Variants in RERE observed in about 807,000 individuals in gnomAD.
RERE encodes arginine-glutamic acid dipeptide repeats protein.
Under a neutral mutation model 146.1 loss-of-function variants are expected in RERE, and 40 were observed. That is an observed-to-expected ratio of 0.27 (90% CI 0.21 to 0.36). RERE has a LOEUF of 0.36. Among genes scored for constraint, RERE ranks in the 10% least tolerant of loss-of-function variants. The pLI is 1.00. For missense variants in RERE, 1,933 were observed against 2,138.7 expected (o/e 0.90, Z 1.90); for synonymous variants, 1,003 against 866.0 (o/e 1.16, Z -2.78).
At chr1:8,475,496 G>A (rs138391583) in intron 10 of RERE, among the ~76,000 whole-genome samples, 31 of 151,970 alleles carry the variant, frequency 2.0e-4, no homozygotes, top group African/African-American at 7.2e-4. Flanking sequence ...TGGCCAACAT[G>A]GTGAAACCCT....
At chr1:8,534,150 T>C (rs1255821522) in intron 7 of RERE, among the ~76,000 whole-genome samples, 1 of 152,202 alleles carries the variant, frequency 6.6e-6, no homozygotes, top group Non-Finnish European at 1.5e-5. Flanking sequence ...TGCAAGTAAA[T>C]TTTAGAATGT....
Position 8,356,140 on chromosome 1 carries a change from C to G in RERE, c.4446G>C (p.Gln1482His). The change falls in exon 21 of 23, where the codon CAG (glutamine) becomes CAC (histidine). Residue 1482 changes from glutamine to histidine, a missense_variant. Gln to His is a conservative substitution (Grantham distance 24, BLOSUM62 0). Around this residue, in one of 11 missense-constraint regions of RERE, gnomAD observed 133 missense variants for 168.6 expected, o/e 0.79. Coordinates refer to ENST00000400908, the MANE Select transcript of RERE (RefSeq NM_001042681.2). This position sits in a 1 kb window ranked among gnomAD's most constrained non-coding sequence, Gnocchi z 5.2. The stretch of plus-strand genomic sequence containing the variant: ...GAAGCATCTCGTGCTCGTGTGGGGG[C>G]TGTCCAAGCAGAGGGTTGGGGAGAG... ...PGTLPNPLLGQPPHEHEMLRH... is the reference protein window; with the variant it reads ...PGTLPNPLLGHPPHEHEMLRH... 6.6e-7 allele frequency: 1 copy of G among 1,512,622 alleles called. No homozygotes were observed. The allele number at this position is 1,512,622 out of a possible 1,614,324, so 93.7% of individuals were successfully genotyped here.
chr1:8,671,995 C>T (rs1438612732), intron 1 of RERE, among the ~76,000 whole-genome samples: 4 of 152,038 alleles, frequency 2.6e-5, no homozygotes, highest in African/African-American at 4.8e-5. Context: ...CTCAGCCGGG[C>T]GTGGTGGCTC....
At chr1:8,764,177 A>G (rs1640805950) in intron 1 of RERE, among the ~76,000 whole-genome samples, 1 of 152,036 alleles carries the variant, frequency 6.6e-6, no homozygotes. Flanking sequence ...CCCCAGGGCA[A>G]GTTGCAGCTG....
intron 7 of RERE, among the ~76,000 whole-genome samples, chr1:8,520,966 T>C (rs1452415749): frequency 6.6e-6 from 1 of 151,914 alleles, no homozygotes; most frequent in Admixed American, 6.6e-5. Context: ...AAGGTTTCTT[T>C]GTCCCCTCAG....
rs1169113021 is a variant in RERE, at chr1:8,605,768, AAAAC to A, written c.522+8789_522+8792del. Among the ~76,000 whole-genome samples the A allele has an allele frequency of 2.7e-3, 371 of 136,448 alleles. 8 individuals carry two copies. Among genetic ancestry groups the A allele is most frequent in the African/African-American group, 0.01 (361 of 35,738 alleles). The allele number at this position is 136,448 out of a possible 152,430, so 89.5% of individuals were successfully genotyped here. On this transcript the variant is annotated intron_variant, in intron 4 of 22. Transcript: ENST00000400908. ...TCCAAAAAAAAAAAAAAAAAAAAAA[AAAAC>A]CCCTAAAAAAAGTGATAATAGATTA...
intron 10 of RERE, among the ~76,000 whole-genome samples, chr1:8,473,556 A>G (rs982937266): frequency 6.6e-6 from 1 of 152,252 alleles, no homozygotes; most frequent in Non-Finnish European, 1.5e-5. Flanking sequence ...CTGTGCCACA[A>G]TAACTAGACA....
chr1:8,505,189 A>G (rs1183646211), intron 8 of RERE, among the ~76,000 whole-genome samples: 1 of 152,216 alleles, frequency 6.6e-6, no homozygotes, highest in Non-Finnish European at 1.5e-5. Flanking sequence ...AATGGCTCTC[A>G]TTTAGATTCT....
chr1:8,364,122 G>C lies in RERE; in HGVS notation c.1674C>G (p.Pro558=). The C allele has an allele frequency of 6.2e-7, 1 of 1,614,146 alleles. No individual in the cohort carries two copies. The highest frequency in any genetic ancestry group is 8.5e-7 in the Non-Finnish European group (1 of 1,180,030). Residue 558 remains proline (P), a synonymous_variant, in exon 15 of 23, where the codon CCC becomes CCG. Transcript: ENST00000400908. The surrounding 1 kb of genome is among the most constrained non-coding windows in gnomAD (Gnocchi z 5.1). ...TGAGCCCATCATCCTCTTCCTTGAC[G>C]GGTTTGAACATAAACGGTGGCGGGT... ...PVDPPPFMFK[P]VKEEDDGLSG... is the part of the protein sequence containing the mutation.
chr1:8,692,662 A>G (rs1433463665), intron 1 of RERE, among the ~76,000 whole-genome samples: 1 of 152,100 alleles, frequency 6.6e-6, no homozygotes, highest in East Asian at 1.9e-4. Context: ...TATACTTTAA[A>G]AAGAATCTCT....
At chr1:8,551,494 C>T (rs538398232) in intron 6 of RERE, among the ~76,000 whole-genome samples, 4 of 152,318 alleles carry the variant, frequency 2.6e-5, no homozygotes, top group African/African-American at 9.6e-5. Context: ...CTAATCCCTC[C>T]TCCGCCAACA....
At chr1:8,438,944 G>A (rs1226325015) in intron 11 of RERE, among the ~76,000 whole-genome samples, 1 of 151,952 alleles carries the variant, frequency 6.6e-6, no homozygotes, top group South Asian at 2.1e-4. Flanking sequence ...GCCTTGATAT[G>A]GTTTCTATAA....
chr1:8,631,810 TGTAAGA>T (rs1647039507), intron 2 of RERE, among the ~76,000 whole-genome samples: 2 of 152,204 alleles, frequency 1.3e-5, no homozygotes, highest in Non-Finnish European at 2.9e-5. Context: ...GCTTATGTGC[TGTAAGA>T]GAATAAAAGT....
At chr1:8,452,953 A>G (rs1333128939) in intron 11 of RERE, among the ~76,000 whole-genome samples, 1 of 152,184 alleles carries the variant, frequency 6.6e-6, no homozygotes, top group Admixed American at 6.5e-5. Context: ...GGAGAGTAGC[A>G]TGGCGTGATG....
intron 12 of RERE, among the ~76,000 whole-genome samples, chr1:8,403,824 G>GTTTTTTTTT (rs1557613523): frequency 5.2e-5 from 3 of 57,810 alleles, no homozygotes; most frequent in Admixed American, 2.2e-4. Context: ...TAAAATCTTA[G>GTTTTTTTTT]CTTTTTTTTT....
At chr1:8,556,623 T>TA (rs774636434) in intron 5 of RERE, 52 bp from the exon 6 acceptor site, 142 of 1,165,164 alleles carry the variant, frequency 1.2e-4, no homozygotes, top group Admixed American at 8.6e-4. Context: ...CCAAAACAAG[T>TA]AAAAAAAATT....
At chr1:8,791,199 G>C (rs1466414461) in intron 1 of RERE, among the ~76,000 whole-genome samples, 1 of 152,190 alleles carries the variant, frequency 6.6e-6, no homozygotes, top group Admixed American at 6.6e-5. Context: ...GTAGCTGCCT[G>C]AAGGTGGTCT....
chr1:8,496,756 C>T (rs975941455), intron 9 of RERE, among the ~76,000 whole-genome samples: 10 of 152,056 alleles, frequency 6.6e-5, no homozygotes, highest in African/African-American at 1.4e-4. Flanking sequence ...GCAACTGCCA[C>T]GAGGGTGATC....
At chr1:8,796,002 A>C (rs896801804) in intron 1 of RERE, among the ~76,000 whole-genome samples, 1 of 150,936 alleles carries the variant, frequency 6.6e-6, no homozygotes, top group Non-Finnish European at 1.5e-5. Flanking sequence ...AAAAAAACAA[A>C]ACAAAACAGG....
Sources: allele counts gnomAD v4.1 joint callset (sites outside exome capture counted in the v4.1 genomes callset), GRCh38; gene constraint gnomAD v4.1.1; regional missense constraint gnomAD v4.1.1; non-coding constraint Gnocchi (gnomAD v3.1); transcripts MANE v1.5; gene names NCBI Gene and HGNC (gene_info 2026-07-23, HGNC 2026-07-21).